N4BP1: variants seen among roughly 807,000 people sequenced by gnomAD.
N4BP1 encodes NEDD4-binding protein 1.
In N4BP1, 21 loss-of-function variants were observed where a neutral mutation model predicts 70.9. That is an observed-to-expected ratio of 0.30 (90% CI 0.21 to 0.43). The LOEUF is 0.43. Ranked by LOEUF, N4BP1 falls within the 20% of genes least tolerant of loss-of-function variation. The probability of loss-of-function intolerance (pLI) is 1.00; values close to 1 mark genes in which losing one functional copy is unlikely to be tolerated. For missense variants in N4BP1, 936 were observed against 1,069.4 expected (o/e 0.88, Z 1.74); for synonymous variants, 387 against 394.6 (o/e 0.98, Z 0.23).
rs146730380 is a variant in N4BP1 at position 48,585,415 on chromosome 16, T to C, written c.199-22971A>G. Among the ~76,000 whole-genome samples the C allele has an allele frequency of 8.5e-3, 1,295 of 151,888 alleles. 15 individuals are homozygous for C. The highest frequency in any genetic ancestry group is 0.03 in the African/African-American group (1,232 of 41,418). On this transcript the variant is annotated intron_variant, in intron 1 of 6. Transcript: ENST00000262384. ...AATTTGGGAGGCTAAGGCAGGAGGA[T>C]TGCTTGAGCCCAGGAGCTCAAGACC...
At chr16:48,545,108 G>A (rs1042585373) in intron 6 of N4BP1, among the ~76,000 whole-genome samples, 1 of 151,972 alleles carries the variant, frequency 6.6e-6, no homozygotes, top group Admixed American at 6.5e-5. Context: ...GGGATTACAG[G>A]CACGCACCAC....
In N4BP1 at chr16:48,542,620, A is replaced by G. The variant is rs1418847185; in HGVS notation, c.*284T>C. 2 of 297,230 alleles carry G rather than the reference A, an allele frequency of 6.7e-6. No individual in the cohort carries two copies. The highest frequency in any genetic ancestry group is 4.3e-5 in the African/African-American group (2 of 46,458). The allele number at this position is 297,230 out of a possible 1,614,324, so 18.4% of individuals were successfully genotyped here. ...AATAGTTTAAAAAACATAAAAAGGTAAATACACTCAAGAGTAACTGCTATT... is the reference window on the plus strand; with the variant it reads ...AATAGTTTAAAAAACATAAAAAGGTGAATACACTCAAGAGTAACTGCTATT... On this transcript the variant is annotated 3_prime_UTR_variant, in exon 7 of 7. Transcript: ENST00000262384.
rs116543626 is a variant in N4BP1, at chr16:48,573,058, C to T, written c.199-10614G>A. On this transcript the variant is annotated intron_variant, in intron 1 of 6. Coordinates refer to ENST00000262384, the MANE Select transcript of N4BP1 (RefSeq NM_153029.4). Reference sequence around the variant, plus strand: ...AGCCTGGGTACAGGCTGCAGTGACCCGAGATGTGCCACTGCACTCTAGCCT... The same window carrying T: ...AGCCTGGGTACAGGCTGCAGTGACCTGAGATGTGCCACTGCACTCTAGCCT... 3.5e-3 allele frequency among the ~76,000 whole-genome samples: 532 copies of T among 149,944 alleles called. 1 individual carries two copies. The highest frequency in any genetic ancestry group is 0.012 in the African/African-American group (504 of 40,792).
At chr16:48,571,647 A>C (rs969458075) in intron 1 of N4BP1, among the ~76,000 whole-genome samples, 5 of 152,182 alleles carry the variant, frequency 3.3e-5, no homozygotes, top group African/African-American at 4.8e-5. Flanking sequence ...AAGGAAGAAA[A>C]AGAAGAGGAA....
rs1963854283 is a variant in N4BP1, at chr16:48,561,416, G to A, written c.1227C>T (p.Thr409=). 4 of 1,613,772 alleles carry A rather than the reference G, an allele frequency of 2.5e-6. No homozygotes were observed. Among genetic ancestry groups the A allele is most frequent in the Non-Finnish European group, 3.4e-6 (4 of 1,179,840 alleles). Residue 409 remains threonine, a synonymous_variant, in exon 2 of 7, where the codon ACC becomes ACT. Coordinates refer to ENST00000262384, the MANE Select transcript of N4BP1 (RefSeq NM_153029.4). ...TGCTGCTATAAACACCTTTATTTTT[G>A]GTTTTGTTGGTCTCTGGATACACTG... ...AGTVYPETNK[T]KNKGVYSSTN... is the part of the protein sequence containing the mutation.
At chr16:48,585,409 G>GGA (rs1172662671) in intron 1 of N4BP1, among the ~76,000 whole-genome samples, 1 of 151,874 alleles carries the variant, frequency 6.6e-6, no homozygotes, top group Non-Finnish European at 1.5e-5. Context: ...GGCTAAGGCA[G>GGA]GAGGATTGCT....
intron 4 of N4BP1, 58 bp from the exon 5 acceptor site, chr16:48,548,172 C>G: frequency 1.0e-6 from 1 of 961,424 alleles, no homozygotes; most frequent in Non-Finnish European, 1.7e-6. Flanking sequence ...TCAGAGAAGC[C>G]ATGTTATAAG....
At chr16:48,547,972 A>G in intron 5 of N4BP1, 35 bp downstream of exon 5, 1 of 1,364,950 alleles carries the variant, frequency 7.3e-7, no homozygotes, top group Non-Finnish European at 1.0e-6. Flanking sequence ...TAAAAACAAA[A>G]CTTTTCTGAC....
intron 3 of N4BP1, among the ~76,000 whole-genome samples, chr16:48,552,699 GAAAAAAAAAAAAAAAAAAAAAAAAAAA>G (rs71134556): frequency 1.1e-4 from 2 of 18,486 alleles, no homozygotes; most frequent in East Asian, 5.1e-3. Flanking sequence ...CTCCGTCTCA[GAAAAAAAAAAAAAAAAAAAAAAAAAAA>G]AAAAAAAAAA....
chr16:48,585,145 G>C (rs1964225859), intron 1 of N4BP1, among the ~76,000 whole-genome samples: 1 of 152,078 alleles, frequency 6.6e-6, no homozygotes, highest in Non-Finnish European at 1.5e-5. Context: ...TGTTGGTCAG[G>C]CTGGTCTTGA....
rs1470414747 is a variant in N4BP1, at chr16:48,562,452, G to C, written c.199-8C>G. 6.4e-7 allele frequency: 1 copy of C among 1,570,128 alleles called. No homozygotes were observed. The highest frequency in any genetic ancestry group is 8.6e-7 in the Non-Finnish European group (1 of 1,162,336). The stretch of plus-strand genomic sequence containing the variant: ...GATTCCTTTAATATATTCCTGTAAA[G>C]AGAAAATAAGAAATTAGGTCAATTT... On this transcript the variant is annotated splice_polypyrimidine_tract_variant and splice_region_variant and intron_variant, in intron 1 of 6. Transcript: ENST00000262384.
chr16:48,581,726 T>C (rs1964176616), intron 1 of N4BP1, among the ~76,000 whole-genome samples: 2 of 152,122 alleles, frequency 1.3e-5, no homozygotes, highest in South Asian at 4.1e-4. Flanking sequence ...CTTCAATAAA[T>C]ATATTGGGAA....
chr16:48,598,625 T>C (rs572639748), intron 1 of N4BP1, among the ~76,000 whole-genome samples: 15 of 152,086 alleles, frequency 9.9e-5, no homozygotes, highest in Admixed American at 3.3e-4. Context: ...TTGCCCCACA[T>C]TGGAGAAATT....
At chr16:48,553,005 C>G (rs1026292243) in intron 3 of N4BP1, among the ~76,000 whole-genome samples, 2 of 152,148 alleles carry the variant, frequency 1.3e-5, no homozygotes, top group African/African-American at 4.8e-5. Flanking sequence ...CCTGGCACAG[C>G]CCCTTCACCT....
At chr16:48,609,134 G>C (rs1597118589) in intron 1 of N4BP1, among the ~76,000 whole-genome samples, 1 of 151,972 alleles carries the variant, frequency 6.6e-6, no homozygotes, top group Admixed American at 6.5e-5. Context: ...AGGATCACTT[G>C]AGCCCGGGAA....
intron 2 of N4BP1, among the ~76,000 whole-genome samples, chr16:48,556,822 A>C (rs565177076): frequency 6.6e-6 from 1 of 152,290 alleles, no homozygotes; most frequent in East Asian, 1.9e-4. Flanking sequence ...TATGGAAAAG[A>C]CTAGTATGGA....
chr16:48,548,374 A>C (rs1963618579), intron 4 of N4BP1, among the ~76,000 whole-genome samples: 1 of 152,244 alleles, frequency 6.6e-6, no homozygotes, highest in Non-Finnish European at 1.5e-5. Flanking sequence ...TAATTTATTC[A>C]AAAGTTGTAT....
At chr16:48,574,047 C>T (rs1443554359) in intron 1 of N4BP1, among the ~76,000 whole-genome samples, 2 of 152,126 alleles carry the variant, frequency 1.3e-5, no homozygotes, top group African/African-American at 4.8e-5. Context: ...GTTCAAGGGT[C>T]AACTGCTTAT....
At chr16:48,565,238 A>C (rs1963923979) in intron 1 of N4BP1, among the ~76,000 whole-genome samples, 1 of 152,182 alleles carries the variant, frequency 6.6e-6, no homozygotes, top group Admixed American at 6.5e-5. Context: ...CTTGTTAATG[A>C]TCTACAGGGA....
Sources: gnomAD v4.1 joint callset for allele counts (sites outside exome capture counted in the v4.1 genomes callset) on GRCh38, gnomAD v4.1.1 for gene constraint, MANE v1.5 for transcripts, NCBI Gene and HGNC (gene_info 2026-07-23, HGNC 2026-07-21) for gene names.